OSBPL1A: variants seen among roughly 807,000 people sequenced by gnomAD.
OSBPL1A encodes oxysterol-binding protein-related protein 1.
A neutral mutation model predicts 137.1 loss-of-function variants in OSBPL1A; 80 were observed. The observed-to-expected ratio is 0.58, with a 90% CI of 0.49 to 0.70. The LOEUF is 0.70. Among genes scored for constraint, OSBPL1A ranks in the 30% least tolerant of loss-of-function variants. The probability of loss-of-function intolerance (pLI) is 0.00; values close to 1 mark genes in which losing one functional copy is unlikely to be tolerated. For synonymous variants in OSBPL1A, 365 were observed against 389.7 expected, an observed-to-expected ratio of 0.94 and a Z score of 0.75; for missense variants, 970 against 1,129.4, an observed-to-expected ratio of 0.86 and a Z score of 2.02.
chr18:24,245,264 T>G (rs980654977), intron 15 of OSBPL1A, among the ~76,000 whole-genome samples: 1 of 151,844 alleles, frequency 6.6e-6, no homozygotes, highest in Non-Finnish European at 1.5e-5. Context: ...CCTAGCTAAT[T>G]TTTTTTTCGG....
intron 16 of OSBPL1A, among the ~76,000 whole-genome samples, chr18:24,234,635 A>G (rs1053860289): frequency 6.6e-6 from 1 of 152,216 alleles, no homozygotes; most frequent in African/African-American, 2.4e-5. Context: ...GCTTATCTGA[A>G]AAAGCTTAAA....
At chr18:24,167,561 A>C in intron 24 of OSBPL1A, 116 bp from the exon 25 acceptor site, 1 of 828,250 alleles carries the variant, frequency 1.2e-6, no homozygotes, top group East Asian at 2.5e-5. Flanking sequence ...CAGTCCCCTA[A>C]GGTTATAGCG....
At chr18:24,363,946 A>C (rs2091665123) in intron 4 of OSBPL1A, among the ~76,000 whole-genome samples, 1 of 151,786 alleles carries the variant, frequency 6.6e-6, no homozygotes, top group African/African-American at 2.4e-5. Flanking sequence ...CCTCTCTTAC[A>C]CTTCTAAGGA....
intron 18 of OSBPL1A, among the ~76,000 whole-genome samples, chr18:24,185,328 CTTTTTTTTTT>C (rs200202342): frequency 7.1e-6 from 1 of 139,908 alleles, no homozygotes; most frequent in African/African-American, 2.6e-5. Flanking sequence ...ATTCTTTTTT[CTTTTTTTTTT>C]TTTTTTTGAG....
At chr18:24,288,338 G>T (rs1641072768) in intron 14 of OSBPL1A, among the ~76,000 whole-genome samples, 1 of 152,224 alleles carries the variant, frequency 6.6e-6, no homozygotes, top group Admixed American at 6.5e-5. Flanking sequence ...AGGTCATAAA[G>T]TCAGTCAACT....
intron 14 of OSBPL1A, among the ~76,000 whole-genome samples, chr18:24,282,955 A>T (rs908211592): frequency 7.2e-5 from 11 of 152,042 alleles, no homozygotes; most frequent in Non-Finnish European, 1.5e-4. Context: ...CAAAAAATTT[A>T]AAAATTAGCT....
At chr18:24,337,986 T>C (rs1296973154) in intron 5 of OSBPL1A, among the ~76,000 whole-genome samples, 1 of 151,992 alleles carries the variant, frequency 6.6e-6, no homozygotes, top group African/African-American at 2.4e-5. Context: ...TGGCAAAATG[T>C]TAATAATTGG....
At chr18:24,216,640 A>C (rs1182293735) in intron 17 of OSBPL1A, among the ~76,000 whole-genome samples, 2 of 152,264 alleles carry the variant, frequency 1.3e-5, no homozygotes, top group Non-Finnish European at 2.9e-5. Context: ...CCTCTTTCTT[A>C]AATTCCAGTT....
intron 14 of OSBPL1A, among the ~76,000 whole-genome samples, chr18:24,294,080 C>T (rs557965999): frequency 2.4e-4 from 37 of 151,536 alleles, no homozygotes; most frequent in African/African-American, 8.7e-4. Flanking sequence ...TTCTTGAGTT[C>T]GACTATTTTG....
At chr18:24,382,748 C>T (rs1015535752) in intron 1 of OSBPL1A, among the ~76,000 whole-genome samples, 32 of 151,404 alleles carry the variant, frequency 2.1e-4, no homozygotes, top group South Asian at 6.3e-4. Flanking sequence ...TGGTGGTGCG[C>T]GCCTGTAGTC....
At chr18:24,389,924 A>G (rs1907204088) in intron 1 of OSBPL1A, among the ~76,000 whole-genome samples, 1 of 152,162 alleles carries the variant, frequency 6.6e-6, no homozygotes, top group Non-Finnish European at 1.5e-5. Context: ...CCTGGGTGAC[A>G]GAGTGAGACT....
At chr18:24,322,513 G>A (rs1028448122) in intron 7 of OSBPL1A, among the ~76,000 whole-genome samples, 1 of 151,864 alleles carries the variant, frequency 6.6e-6, no homozygotes, top group Non-Finnish European at 1.5e-5. Context: ...CTTTAGTGGG[G>A]AAAAAACTTT....
intron 7 of OSBPL1A, among the ~76,000 whole-genome samples, chr18:24,321,222 T>C (rs1017893176): frequency 1.3e-5 from 2 of 152,098 alleles, no homozygotes; most frequent in Non-Finnish European, 2.9e-5. Flanking sequence ...ACAAATTCAA[T>C]GGTTTTTATA....
intron 4 of OSBPL1A, among the ~76,000 whole-genome samples, chr18:24,350,369 A>G (rs932875202): frequency 6.6e-6 from 1 of 152,250 alleles, no homozygotes; most frequent in Non-Finnish European, 1.5e-5. Flanking sequence ...CCACCTGCCC[A>G]AGACCACTTA....
chr18:24,337,700 C>T (rs552025754), intron 5 of OSBPL1A, among the ~76,000 whole-genome samples: 8 of 151,308 alleles, frequency 5.3e-5, no homozygotes, highest in Non-Finnish European at 1.0e-4. Flanking sequence ...GAATCTAATC[C>T]AGGATGGGAG....
intron 17 of OSBPL1A, among the ~76,000 whole-genome samples, chr18:24,209,593 G>C (rs2087473731): frequency 6.6e-6 from 1 of 152,064 alleles, no homozygotes; most frequent in Admixed American, 6.6e-5. Flanking sequence ...ATTTATAAAA[G>C]CTTTTTTGTT....
At chr18:24,269,886 C>CACACACACACA (rs1567989971) in intron 15 of OSBPL1A, among the ~76,000 whole-genome samples, 1 of 47,158 alleles carries the variant, frequency 2.1e-5, no homozygotes, top group Non-Finnish European at 5.0e-5. Context: ...ACACACACAC[C>CACACACACACA]ATGCTAATTA....
chr18:24,392,578 TTGTA>T (rs1568073463), intron 1 of OSBPL1A, among the ~76,000 whole-genome samples: 1 of 152,262 alleles, frequency 6.6e-6, no homozygotes, highest in Non-Finnish European at 1.5e-5. Flanking sequence ...TTAAAATACA[TTGTA>T]TGCTAGAAAT....
At position 24,279,636 on chromosome 18, in the gene OSBPL1A, C is replaced by CAT. The variant is rs200192488; in HGVS notation, c.1281+1204_1281+1205dup. Among the ~76,000 whole-genome samples the CAT allele has an allele frequency of 5.0e-3, 762 of 151,934 alleles. 9 individuals are homozygous for CAT. The highest frequency in any genetic ancestry group is 0.017 in the African/African-American group (721 of 41,438). On this transcript the variant is annotated intron_variant, in intron 15 of 27. Transcript: ENST00000319481. Reference sequence around the variant, plus strand: ...TTAATCTAAAATATTGAAGATTAGACATATATATATAAATTAACAAAATGG... The same window carrying CAT: ...TTAATCTAAAATATTGAAGATTAGACATATATATATATAAATTAACAAAATGG...
Sources: allele counts gnomAD v4.1 joint callset (sites outside exome capture counted in the v4.1 genomes callset), GRCh38; gene constraint gnomAD v4.1.1; transcripts MANE v1.5; gene names NCBI Gene and HGNC (gene_info 2026-07-23, HGNC 2026-07-21).